Variants in ZNF385B observed in about 807,000 individuals in gnomAD.
ZNF385B encodes the protein zinc finger protein 533.
ZNF385B carries 23 observed loss-of-function variants against 39.2 expected under a neutral mutation model. The ratio of observed to expected loss-of-function variants is 0.59; its 90% CI spans 0.42 to 0.83. The LOEUF is 0.83. Ranked by LOEUF, ZNF385B falls within the 40% of genes least tolerant of loss-of-function variation. The pLI, the probability that ZNF385B is intolerant of heterozygous loss-of-function variation, is 0.00. For missense variants in ZNF385B, 552 were observed against 598.9 expected (o/e 0.92, Z 0.82); for synonymous variants, 205 against 222.6 (o/e 0.92, Z 0.70).
Position 179,674,614 on chromosome 2 carries a change from TTG to T in ZNF385B, c.298+94887_298+94888del, listed in dbSNP as rs553522758. ...TTATCAGCTTCAACAATTTAGCAAA[TTG>T]TGTTTTTATCTGCTTACAAACTATG... On this transcript the variant is annotated intron_variant, in intron 3 of 9. Coordinates refer to ENST00000410066, the MANE Select transcript of ZNF385B (RefSeq NM_152520.6). Among the ~76,000 whole-genome samples the T allele has an allele frequency of 6.0e-3, 910 of 152,324 alleles. 10 individuals are homozygous for T. Among genetic ancestry groups the T allele is most frequent in the African/African-American group, 0.019 (809 of 41,578 alleles).
intron 1 of ZNF385B, among the ~76,000 whole-genome samples, chr2:179,819,993 T>C (rs901637111): frequency 7.9e-5 from 12 of 152,150 alleles, no homozygotes; most frequent in African/African-American, 2.9e-4. Context: ...CTGTCAAAAA[T>C]AAGTTTATCT....
chr2:179,540,624 C>T (rs774140023), intron 4 of ZNF385B, among the ~76,000 whole-genome samples: 9 of 152,080 alleles, frequency 5.9e-5, no homozygotes, highest in African/African-American at 1.2e-4. Flanking sequence ...ACATTGAAAA[C>T]CAAGGAACTG....
At chr2:179,747,720 T>G (rs143017439) in intron 3 of ZNF385B, among the ~76,000 whole-genome samples, 6 of 152,234 alleles carry the variant, frequency 3.9e-5, no homozygotes, top group East Asian at 1.9e-4. Context: ...TCGGGCTTGA[T>G]GCATTTCAGA....
chr2:179,640,187 C>G (rs1436202412), intron 3 of ZNF385B, among the ~76,000 whole-genome samples: 1 of 152,058 alleles, frequency 6.6e-6, no homozygotes, highest in Non-Finnish European at 1.5e-5. Context: ...TGGATTGGAT[C>G]CTAGGTTGGA....
At chr2:179,619,920 G>A (rs890168452) in intron 3 of ZNF385B, among the ~76,000 whole-genome samples, 2 of 152,196 alleles carry the variant, frequency 1.3e-5, no homozygotes, top group Non-Finnish European at 2.9e-5. Flanking sequence ...GATATAGGAT[G>A]AAATTCTGTC....
chr2:179,806,667 A>C (rs1009102307), intron 1 of ZNF385B, among the ~76,000 whole-genome samples: 6 of 151,926 alleles, frequency 3.9e-5, no homozygotes, highest in South Asian at 4.2e-4. Flanking sequence ...ACTCAGAAAA[A>C]CCCCACAATG....
chr2:179,490,604 C>CAAACTGCAAATCAAATTG (rs1424089262), intron 5 of ZNF385B, among the ~76,000 whole-genome samples: 1 of 143,570 alleles, frequency 7.0e-6, no homozygotes, highest in African/African-American at 2.5e-5. Context: ...AGTTAAAAAT[C>CAAACTGCAAATCAAATTG]AGCTGGAATA....
At chr2:179,648,929 T>C (rs931155190) in intron 3 of ZNF385B, among the ~76,000 whole-genome samples, 2 of 152,182 alleles carry the variant, frequency 1.3e-5, no homozygotes, top group African/African-American at 4.8e-5. Context: ...CAAATACCTC[T>C]GCATAAAATG....
At chr2:179,779,196 C>T (rs1575475982) in intron 1 of ZNF385B, among the ~76,000 whole-genome samples, 4 of 152,102 alleles carry the variant, frequency 2.6e-5, no homozygotes, top group African/African-American at 9.7e-5. Context: ...GGCAGTCAGA[C>T]AAGATGTGAT....
rs2051367309 is a variant in ZNF385B, at chr2:179,461,776, T to G, written c.716-15006A>C. Among the ~76,000 whole-genome samples the G allele has an allele frequency of 6.6e-5, 10 of 152,228 alleles. No individual in the cohort carries two copies. In the South Asian group the frequency reaches 2.1e-3, roughly 32 times the overall value. On this transcript the variant is annotated intron_variant, in intron 6 of 9. Coordinates refer to ENST00000410066, the MANE Select transcript of ZNF385B (RefSeq NM_152520.6). ...TGAGGGCTTCAGGTGGAAAATGCAA[T>G]GGAAAGGTAATAGTTGTAAGAAGTA...
intron 3 of ZNF385B, among the ~76,000 whole-genome samples, chr2:179,626,240 T>C (rs1690654090): frequency 6.6e-6 from 1 of 152,168 alleles, no homozygotes; most frequent in Admixed American, 6.5e-5. Flanking sequence ...TAGGAGCCAC[T>C]GAATTTATGA....
intron 3 of ZNF385B, among the ~76,000 whole-genome samples, chr2:179,621,495 T>C (rs1690211389): frequency 6.6e-6 from 1 of 152,208 alleles, no homozygotes; most frequent in Admixed American, 6.5e-5. Flanking sequence ...CCAATGTCTA[T>C]AGTGTAAATT....
At chr2:179,780,236 C>G (rs142289458) in intron 1 of ZNF385B, among the ~76,000 whole-genome samples, 41 of 152,278 alleles carry the variant, frequency 2.7e-4, no homozygotes, top group African/African-American at 8.9e-4. Flanking sequence ...AGAGAATGAA[C>G]AGCAGTACTT....
chr2:179,546,131 G>C (rs1217168931), intron 3 of ZNF385B, among the ~76,000 whole-genome samples: 1 of 152,036 alleles, frequency 6.6e-6, no homozygotes, highest in Admixed American at 6.6e-5. Context: ...ACCTCCCTGG[G>C]CTCTGGTGAG....
At chr2:179,836,921 T>G (rs920084317) in intron 1 of ZNF385B, among the ~76,000 whole-genome samples, 1 of 152,164 alleles carries the variant, frequency 6.6e-6, no homozygotes, top group Non-Finnish European at 1.5e-5. Flanking sequence ...AATTGCTGCT[T>G]CACTTGCCCC....
intron 3 of ZNF385B, among the ~76,000 whole-genome samples, chr2:179,721,805 A>G (rs541745637): frequency 1.3e-5 from 2 of 152,210 alleles, no homozygotes; most frequent in African/African-American, 4.8e-5. Flanking sequence ...AATAAAGGCA[A>G]TAATGCATAC....
At chr2:179,818,599 A>T (rs7557122) in intron 1 of ZNF385B, among the ~76,000 whole-genome samples, 69,422 of 151,976 alleles carry the variant, frequency 0.46, 16,560 homozygotes, top group African/African-American at 0.55. Context: ...ACAACATTGC[A>T]AGAAACGTTT....
At chr2:179,636,578 C>CA (rs985391216) in intron 3 of ZNF385B, among the ~76,000 whole-genome samples, 10 of 152,178 alleles carry the variant, frequency 6.6e-5, no homozygotes, top group African/African-American at 2.2e-4. Context: ...ATCACGTGGA[C>CA]ACACTTCTCA....
intron 3 of ZNF385B, among the ~76,000 whole-genome samples, chr2:179,602,402 G>A (rs1574952676): frequency 6.6e-6 from 1 of 152,154 alleles, no homozygotes; most frequent in Admixed American, 6.5e-5. Flanking sequence ...CACCATGTTG[G>A]CCAGGCTGGT....
Sources: gnomAD v4.1 joint callset for allele counts (sites outside exome capture counted in the v4.1 genomes callset) on GRCh38, gnomAD v4.1.1 for gene constraint, MANE v1.5 for transcripts, NCBI Gene and HGNC (gene_info 2026-07-23, HGNC 2026-07-21) for gene names.